ZNF804B: variants seen among roughly 807,000 people sequenced by gnomAD.
The protein encoded by ZNF804B is zinc finger 804B.
ZNF804B carries 80 observed loss-of-function variants against 101.4 expected under a neutral mutation model. The ratio of observed to expected loss-of-function variants is 0.79; its 90% CI spans 0.66 to 0.95. The LOEUF (loss-of-function observed/expected upper bound fraction) is 0.95. ZNF804B is among the 40% of genes least tolerant of loss of function. The pLI, the probability that ZNF804B is intolerant of heterozygous loss-of-function variation, is 0.00. For missense variants in ZNF804B, 1,673 were observed against 1,561.9 expected (o/e 1.07, Z -1.20); for synonymous variants, 622 against 558.8 (o/e 1.11, Z -1.59).
At chr7:89,279,676 C>G (rs1343849786) in intron 2 of ZNF804B, among the ~76,000 whole-genome samples, 16 of 151,906 alleles carry the variant, frequency 1.1e-4, no homozygotes, top group Admixed American at 2.0e-4. Flanking sequence ...ATATGTTGAA[C>G]CAGCCTTGCA....
At chr7:89,071,120 T>C (rs1010507974) in intron 1 of ZNF804B, among the ~76,000 whole-genome samples, 10 of 152,140 alleles carry the variant, frequency 6.6e-5, no homozygotes, top group African/African-American at 2.4e-4. Context: ...ATATTTGTTA[T>C]ACTGTGTTGT....
chr7:89,029,192 C>T lies in ZNF804B; in HGVS notation c.109-188963C>T, dbSNP rs1044308930. Reference sequence around the variant, plus strand: ...GATCTCTGCTCACTGTAACCTCCACCTCCCGGGCTCAAGCAATTCTCCTGC... The same window carrying T: ...GATCTCTGCTCACTGTAACCTCCACTTCCCGGGCTCAAGCAATTCTCCTGC... On this transcript the variant is annotated intron_variant, in intron 1 of 3. Transcript: ENST00000333190. 4.1e-4 allele frequency among the ~76,000 whole-genome samples: 61 copies of T among 149,276 alleles called. 1 individual carries two copies. The highest frequency in any genetic ancestry group is 3.0e-5 in the Non-Finnish European group (2 of 67,220).
chr7:89,130,428 C>T lies in ZNF804B; in HGVS notation c.109-87727C>T, dbSNP rs972407320. Among the ~76,000 whole-genome samples, 7 of 151,870 alleles carry T rather than the reference C, an allele frequency of 4.6e-5. No individual in the cohort carries two copies. The South Asian group carries it at 1.2e-3, about 27-fold the overall frequency. ...ACCTATAGGAAATGTTCCTTAGAAA[C>T]CCCAGATGAACCCCAAGAAGGAACT... On this transcript the variant is annotated intron_variant, in intron 1 of 3. Coordinates refer to ENST00000333190, the MANE Select transcript of ZNF804B (RefSeq NM_181646.5).
intron 1 of ZNF804B, among the ~76,000 whole-genome samples, chr7:89,156,638 A>G (rs1317100398): frequency 6.6e-6 from 1 of 151,912 alleles, no homozygotes; most frequent in Non-Finnish European, 1.5e-5. Flanking sequence ...TTTTTTTTCT[A>G]TCTATATATT....
chr7:89,245,913 G>GGA (rs1789438420), intron 2 of ZNF804B, among the ~76,000 whole-genome samples: 1 of 152,170 alleles, frequency 6.6e-6, no homozygotes, highest in South Asian at 2.1e-4. Flanking sequence ...CCAGGGAGAG[G>GGA]GAGAGCCCTT....
chr7:88,759,851 C>G lies in ZNF804B; in HGVS notation c.-126C>G, dbSNP rs575535849. The G allele has an allele frequency of 2.6e-5, 19 of 734,248 alleles. No individual in the cohort carries two copies. In the African/African-American group the frequency reaches 3.2e-4, roughly 12 times the overall value. The allele number at this position is 734,248 out of a possible 1,614,324, so 45.5% of individuals were successfully genotyped here. A position where few individuals can be genotyped will look rare whatever the true frequency, so the allele number is the denominator to read the frequency against. Reference sequence around the variant, plus strand: ...CAGGGACGCGCTGCCACCGCCTCCCCCTGCGTCCTGCTGGCCGCGTCTTCT... The same window carrying G: ...CAGGGACGCGCTGCCACCGCCTCCCGCTGCGTCCTGCTGGCCGCGTCTTCT... On this transcript the variant is annotated 5_prime_UTR_variant, in exon 1 of 4. Transcript: ENST00000333190.
rs1263817680 is a variant in ZNF804B, at chr7:88,799,378, T to A, written c.108+39294T>A. Among the ~76,000 whole-genome samples the A allele has an allele frequency of 3.9e-5, 6 of 151,916 alleles. No individual in the cohort carries two copies. In the East Asian group the frequency reaches 1.2e-3, roughly 29 times the overall value. The stretch of plus-strand genomic sequence containing the variant: ...GGGAGGAAACCAAAATTTAGAGTAG[T>A]TAAGTATTTTGCACACAATTAAAAT... On this transcript the variant is annotated intron_variant, in intron 1 of 3. Coordinates refer to ENST00000333190, the MANE Select transcript of ZNF804B (RefSeq NM_181646.5).
chr7:89,021,345 T>C (rs1263927831), intron 1 of ZNF804B, among the ~76,000 whole-genome samples: 2 of 152,154 alleles, frequency 1.3e-5, no homozygotes, highest in Non-Finnish European at 2.9e-5. Context: ...GGTACAAACA[T>C]GAACATGATG....
chr7:88,854,351 G>A (rs185757046), intron 1 of ZNF804B, among the ~76,000 whole-genome samples: 21 of 151,762 alleles, frequency 1.4e-4, no homozygotes, highest in Admixed American at 3.3e-4. Flanking sequence ...TCCAGAGGCT[G>A]TGCTCTTAAG....
At chr7:88,991,239 A>T (rs1288719083) in intron 1 of ZNF804B, among the ~76,000 whole-genome samples, 1 of 152,128 alleles carries the variant, frequency 6.6e-6, no homozygotes, top group Non-Finnish European at 1.5e-5. Context: ...TGATGCTTTT[A>T]TGTATGTTTG....
intron 2 of ZNF804B, among the ~76,000 whole-genome samples, chr7:89,221,717 T>G (rs1584065430): frequency 6.8e-6 from 1 of 147,174 alleles, no homozygotes; most frequent in East Asian, 1.9e-4. Flanking sequence ...TTCTATTCTA[T>G]TCTATTCTAT....
chr7:89,276,892 C>G (rs190664757), intron 2 of ZNF804B, among the ~76,000 whole-genome samples: 1 of 151,738 alleles, frequency 6.6e-6, no homozygotes, highest in Admixed American at 6.6e-5. Flanking sequence ...TACTGTATAT[C>G]ACCAAGAAGT....
At chr7:89,267,235 AG>A (rs1789811040) in intron 2 of ZNF804B, among the ~76,000 whole-genome samples, 1 of 152,200 alleles carries the variant, frequency 6.6e-6, no homozygotes, top group East Asian at 1.9e-4. Flanking sequence ...CCCACCTGCT[AG>A]TGACTGGATT....
At chr7:88,760,200 TA>T in intron 1 of ZNF804B, 116 bp downstream of exon 1, 1 of 796,384 alleles carries the variant, frequency 1.3e-6, no homozygotes, top group Non-Finnish European at 2.1e-6. Context: ...CTAAAACGTA[TA>T]CCTTATCCAT....
intron 1 of ZNF804B, among the ~76,000 whole-genome samples, chr7:88,857,822 CTTTTTTTTT>C (rs55841922): frequency 2.9e-4 from 24 of 81,470 alleles, no homozygotes; most frequent in East Asian, 6.9e-4. Context: ...CCTTTCTTTT[CTTTTTTTTT>C]TTTTTTTTTT....
chr7:89,008,619 T>C (rs1307956292), intron 1 of ZNF804B, among the ~76,000 whole-genome samples: 1 of 152,168 alleles, frequency 6.6e-6, no homozygotes, highest in Non-Finnish European at 1.5e-5. Flanking sequence ...TGGTTCTCTC[T>C]CATTAGCTTC....
chr7:89,335,934 G>A lies in ZNF804B; in HGVS notation c.2952G>A (p.Gln984=). Residue 984 remains glutamine (Q), a synonymous_variant, in exon 4 of 4, where the codon CAG becomes CAA. Coordinates refer to ENST00000333190, the MANE Select transcript of ZNF804B (RefSeq NM_181646.5). ...CATTGCCTTTGTCTGAAAAAATACA[G>A]TATGCAAGTGAGAGCAGAAATGATC... ...RQALPLSEKI[Q]YASESRNDQD... 6.2e-7 allele frequency: 1 copy of A among 1,614,056 alleles called. No individual in the cohort carries two copies. The highest frequency in any genetic ancestry group is 8.5e-7 in the Non-Finnish European group (1 of 1,179,972).
intron 1 of ZNF804B, among the ~76,000 whole-genome samples, chr7:89,084,564 T>C (rs1166429977): frequency 2.6e-5 from 4 of 151,976 alleles, no homozygotes; most frequent in Non-Finnish European, 5.9e-5. Context: ...GCAAATCAGC[T>C]TATTCCATTA....
chr7:89,140,972 CTTCTT>C (rs61698284), intron 1 of ZNF804B, among the ~76,000 whole-genome samples: 40,455 of 151,666 alleles, frequency 0.27, 5,382 homozygotes, highest in Admixed American at 0.32. Flanking sequence ...AAATGCAACT[CTTCTT>C]TTCATTTGAA....
Sources: gnomAD v4.1 joint callset for allele counts (sites outside exome capture counted in the v4.1 genomes callset) on GRCh38, gnomAD v4.1.1 for gene constraint, MANE v1.5 for transcripts, NCBI Gene and HGNC (gene_info 2026-07-23, HGNC 2026-07-21) for gene names.